Variants in PHACTR4 observed in about 807,000 individuals in gnomAD.
PHACTR4 encodes phosphatase and actin regulator 4.
A neutral mutation model predicts 72.7 loss-of-function variants in PHACTR4; 51 were observed. That is an observed-to-expected ratio of 0.70 (90% CI 0.56 to 0.89). The LOEUF (loss-of-function observed/expected upper bound fraction) is 0.89, where lower values mean the gene tolerates loss of function less well. Ranked by LOEUF, PHACTR4 falls within the 40% of genes least tolerant of loss-of-function variation. The pLI is 0.00. For synonymous variants in PHACTR4, 255 were observed against 302.5 expected, an observed-to-expected ratio of 0.84 and a Z score of 1.63; for missense variants, 731 against 861.8, an observed-to-expected ratio of 0.85 and a Z score of 1.90.
At chr1:28,474,939 T>TTTTA (rs143428465) in intron 7 of PHACTR4, among the ~76,000 whole-genome samples, 14,136 of 151,184 alleles carry the variant, frequency 0.094, 1,480 homozygotes, top group African/African-American at 0.26. Context: ...AAAACTTTAT[T>TTTTA]TTTATTTATT....
chr1:28,436,795 G>T (rs1408465641), intron 2 of PHACTR4, among the ~76,000 whole-genome samples: 2 of 152,130 alleles, frequency 1.3e-5, no homozygotes, highest in Non-Finnish European at 2.9e-5. Flanking sequence ...GGATAAAAAA[G>T]GAAAAATCAA....
intron 2 of PHACTR4, among the ~76,000 whole-genome samples, chr1:28,414,226 A>G (rs969524051): frequency 1.3e-5 from 2 of 151,830 alleles, no homozygotes; most frequent in African/African-American, 4.8e-5. Context: ...ACAAGCACCC[A>G]TCACTGCCTG....
Position 28,465,829 on chromosome 1 carries a change from A to G in PHACTR4, c.416A>G (p.Glu139Gly), listed in dbSNP as rs1659125149. The G allele has an allele frequency of 6.2e-7, 1 of 1,607,690 alleles. No homozygotes were observed. Among genetic ancestry groups the G allele is most frequent in the African/African-American group, 1.3e-5 (1 of 74,424 alleles). ...AGTCTTAGGAAAGCTATTCCAGAAGAGGACCTAAAGAAACGACTAGGTAAG... is the reference window on the plus strand; with the variant it reads ...AGTCTTAGGAAAGCTATTCCAGAAGGGGACCTAAAGAAACGACTAGGTAAG... ...LASLRKAIPE[E>G]DLKKRLGSTG... Residue 139 changes from glutamate (E) to glycine (G), a missense_variant, in exon 5 of 14, where the codon GAG becomes GGG. By Grantham distance (98) the Glu-to-Gly change is moderately conservative. Around this residue, in one of 2 missense-constraint regions of PHACTR4, gnomAD observed 621 missense variants for 676.6 expected, o/e 0.92. Coordinates refer to ENST00000373839, the MANE Select transcript of PHACTR4 (RefSeq NM_001048183.3).
intron 9 of PHACTR4, among the ~76,000 whole-genome samples, chr1:28,486,773 C>G (rs898949078): frequency 6.6e-6 from 1 of 151,964 alleles, no homozygotes; most frequent in African/African-American, 2.4e-5. Context: ...GCAGGGCAAT[C>G]ACTTGAACCC....
intron 2 of PHACTR4, among the ~76,000 whole-genome samples, chr1:28,444,214 CTTTTTTTTTT>C (rs746642128): frequency 0.014 from 567 of 41,104 alleles, 3 homozygotes; most frequent in African/African-American, 0.049. Flanking sequence ...ATATATTTGG[CTTTTTTTTTT>C]TTTTTTTTTT....
intron 1 of PHACTR4, among the ~76,000 whole-genome samples, chr1:28,392,442 GC>G (rs1653130762): frequency 7.0e-6 from 1 of 141,990 alleles, no homozygotes; most frequent in African/African-American, 2.6e-5. Flanking sequence ...TTGCTCTGTT[GC>G]CCAGACTGGA....
chr1:28,452,940 G>A (rs1395917782), intron 2 of PHACTR4, among the ~76,000 whole-genome samples: 7 of 152,160 alleles, frequency 4.6e-5, no homozygotes, highest in Non-Finnish European at 8.8e-5. Context: ...CCAACATGGC[G>A]AAACCCTATC....
intron 9 of PHACTR4, among the ~76,000 whole-genome samples, chr1:28,483,752 T>C (rs959315149): frequency 7.4e-6 from 1 of 135,182 alleles, no homozygotes; most frequent in African/African-American, 2.9e-5. Context: ...TGAGCTGACA[T>C]CGTGCCACTG....
intron 1 of PHACTR4, among the ~76,000 whole-genome samples, chr1:28,397,063 A>T (rs1653571895): frequency 6.6e-6 from 1 of 151,882 alleles, no homozygotes; most frequent in South Asian, 2.1e-4. Flanking sequence ...TGCCAATGTA[A>T]ATTTAGGTTT....
At chr1:28,425,904 G>C (rs1356902657) in intron 2 of PHACTR4, among the ~76,000 whole-genome samples, 1 of 152,134 alleles carries the variant, frequency 6.6e-6, no homozygotes, top group African/African-American at 2.4e-5. Flanking sequence ...CTACACATCA[G>C]TGATACCTCT....
rs928764328 is a variant in PHACTR4 at position 28,438,489 on chromosome 1, G to C, written c.17-20596G>C. 6 of 1,570,558 alleles carry C rather than the reference G, an allele frequency of 3.8e-6. No individual in the cohort carries two copies. The African/African-American group carries it at 8.1e-5, about 21-fold the overall frequency. ...TGACAGAAGCAAGGCAGATTTACAG[G>C]TGAACTTGAGTATTTATGTGAAGTT... is the stretch of plus-strand genomic sequence containing the variant. On this transcript the variant is annotated intron_variant, in intron 2 of 13. Transcript: ENST00000373839.
intron 2 of PHACTR4, among the ~76,000 whole-genome samples, chr1:28,437,634 T>C (rs1302243376): frequency 6.6e-6 from 1 of 152,192 alleles, no homozygotes; most frequent in Non-Finnish European, 1.5e-5. Context: ...CAGACAGTTG[T>C]CTTCTTGCGT....
At chr1:28,477,308 G>A (rs1034742538) in intron 8 of PHACTR4, among the ~76,000 whole-genome samples, 2 of 151,320 alleles carry the variant, frequency 1.3e-5, no homozygotes, top group African/African-American at 2.4e-5. Context: ...GGCTGGTCTC[G>A]AACTCGACCT....
At position 28,499,753 on chromosome 1, in the gene PHACTR4, G is replaced by A. The variant is rs1202404493; in HGVS notation, c.*3204G>A. The A allele has an allele frequency of 6.6e-6, 1 of 152,164 alleles. No individual in the cohort carries two copies. Among genetic ancestry groups the A allele is most frequent in the Non-Finnish European group, 1.5e-5 (1 of 68,050 alleles). The allele number at this position is 152,164 out of a possible 1,614,324, so 9.4% of individuals were successfully genotyped here. On this transcript the variant is annotated 3_prime_UTR_variant, in exon 14 of 14. Transcript: ENST00000373839. The stretch of plus-strand genomic sequence containing the variant: ...CGCCTCCCAAAGTTCTGAGATAGCA[G>A]GTGTGAGTCATCATGCCCAGCCTCC...
chr1:28,422,698 G>A (rs1655582543), intron 2 of PHACTR4: 1 of 152,152 alleles, frequency 6.6e-6, no homozygotes, highest in Non-Finnish European at 1.5e-5. Flanking sequence ...ACAGTTTAGT[G>A]GCGATTTCTT....
chr1:28,475,274 GA>G (rs901327451), intron 7 of PHACTR4, among the ~76,000 whole-genome samples: 2 of 150,996 alleles, frequency 1.3e-5, no homozygotes, highest in African/African-American at 4.9e-5. Flanking sequence ...TTACTCTTGT[GA>G]TTTTTTTTTT....
At chr1:28,429,132 A>T (rs1656064101) in intron 2 of PHACTR4, among the ~76,000 whole-genome samples, 1 of 152,184 alleles carries the variant, frequency 6.6e-6, no homozygotes, top group South Asian at 2.1e-4. Flanking sequence ...TATTTGTGGT[A>T]AGTGGCATGA....
chr1:28,405,883 T>C (rs1654289007), intron 1 of PHACTR4, among the ~76,000 whole-genome samples: 1 of 150,634 alleles, frequency 6.6e-6, no homozygotes. Flanking sequence ...AGAGCGAAAC[T>C]CCATCTTAAA....
chr1:28,402,770 C>T (rs540453120), intron 1 of PHACTR4, among the ~76,000 whole-genome samples: 2 of 152,274 alleles, frequency 1.3e-5, no homozygotes, highest in South Asian at 4.1e-4. Context: ...GCAAAAACTA[C>T]ACAGGATTTT....
Sources: gnomAD v4.1 joint callset for allele counts (sites outside exome capture counted in the v4.1 genomes callset) on GRCh38, gnomAD v4.1.1 for gene constraint, gnomAD v4.1.1 regional missense constraint, MANE v1.5 for transcripts, NCBI Gene and HGNC (gene_info 2026-07-23, HGNC 2026-07-21) for gene names.